Variants in THSD4 observed in about 807,000 individuals in gnomAD.
THSD4 encodes thrombospondin type 1 domain containing 4, also known as thrombospondin type-1 domain-containing protein 4.
A neutral mutation model predicts 119.0 loss-of-function variants in THSD4; 69 were observed. That is an observed-to-expected ratio of 0.58 (90% CI 0.48 to 0.71). The LOEUF (loss-of-function observed/expected upper bound fraction) is 0.71. THSD4 is among the 30% of genes least tolerant of loss of function. THSD4 has a pLI of 0.00. For synonymous variants in THSD4, 524 were observed against 540.4 expected (o/e 0.97, Z 0.42); for missense variants, 1,393 against 1,391.1 (o/e 1.00, Z -0.02).
intron 6 of THSD4, among the ~76,000 whole-genome samples, chr15:71,391,595 T>C (rs1250018386): frequency 6.6e-6 from 1 of 152,212 alleles, no homozygotes; most frequent in Non-Finnish European, 1.5e-5. Context: ...TGGCTATATT[T>C]ATGTTCCGTG....
intron 1 of THSD4, among the ~76,000 whole-genome samples, chr15:71,119,046 G>A (rs1251500253): frequency 6.6e-6 from 1 of 152,192 alleles, no homozygotes; most frequent in Admixed American, 6.5e-5. Flanking sequence ...AGTGAGCACT[G>A]GTGTGTGCAA....
chr15:71,215,457 T>A, intron 4 of THSD4, 58 bp downstream of exon 4: 1 of 1,432,542 alleles, frequency 7.0e-7, no homozygotes, highest in Non-Finnish European at 9.2e-7. Context: ...TCTGCCCCTG[T>A]CCCTGCCCCT....
chr15:71,422,265 C>T (rs2046818601), intron 7 of THSD4, among the ~76,000 whole-genome samples: 1 of 152,162 alleles, frequency 6.6e-6, no homozygotes, highest in Admixed American at 6.5e-5. Context: ...TTGTAGTCTT[C>T]ACAGTCTGGG....
chr15:71,480,927 T>A (rs1350278970), intron 7 of THSD4, among the ~76,000 whole-genome samples: 2 of 152,228 alleles, frequency 1.3e-5, no homozygotes, highest in Admixed American at 6.5e-5. Flanking sequence ...GCATGCAGTT[T>A]ACATACCTGA....
chr15:71,111,014 G>T, upstream of THSD4: 1 of 943,520 alleles, frequency 1.1e-6, no homozygotes, highest in Non-Finnish European at 1.6e-6. Context: ...CTGTCTGCAT[G>T]TCCTAAGGAG....
intron 7 of THSD4, among the ~76,000 whole-genome samples, chr15:71,442,628 ATG>A (rs1595772030): frequency 2.1e-4 from 11 of 53,400 alleles, no homozygotes; most frequent in African/African-American, 4.6e-4. Context: ...GTATATATAT[ATG>A]TATGTGTGTG....
chr15:71,411,685 A>G lies in THSD4; in HGVS notation c.1016-2A>G. ...TTATTTTATTTCATTTTACTTTGGT[A>G]GTAAAAGGCAATCGCAAATGTGAGT... On this transcript the variant is annotated splice_acceptor_variant, in intron 6 of 17. Coordinates refer to ENST00000261862, the MANE Select transcript of THSD4 (RefSeq NM_024817.3). LOFTEE classifies it high-confidence loss of function. 6.2e-7 allele frequency: 1 copy of G among 1,613,674 alleles called. No individual in the cohort carries two copies. The highest frequency in any genetic ancestry group is 8.5e-7 in the Non-Finnish European group (1 of 1,179,762).
intron 7 of THSD4, among the ~76,000 whole-genome samples, chr15:71,519,430 C>T (rs993405437): frequency 6.6e-6 from 1 of 151,674 alleles, no homozygotes. Context: ...GGTGTGATCT[C>T]GGCTCACTGC....
chr15:71,199,901 G>A (rs1200119312), intron 3 of THSD4, among the ~76,000 whole-genome samples: 13 of 119,744 alleles, frequency 1.1e-4, no homozygotes, highest in African/African-American at 3.2e-4. Context: ...GTATGTGTGT[G>A]TGGTGCATGT....
At chr15:71,457,169 C>T (rs2047351392) in intron 7 of THSD4, among the ~76,000 whole-genome samples, 2 of 152,022 alleles carry the variant, frequency 1.3e-5, no homozygotes, top group African/African-American at 4.8e-5. Flanking sequence ...TCGCTCTGAG[C>T]TCAGGAGTTC....
chr15:71,461,580 A>G (rs2047428644), intron 7 of THSD4, among the ~76,000 whole-genome samples: 1 of 152,214 alleles, frequency 6.6e-6, no homozygotes, highest in South Asian at 2.1e-4. Context: ...GTTGGGATTT[A>G]TAGGGTCCAT....
intron 7 of THSD4, among the ~76,000 whole-genome samples, chr15:71,639,050 A>G (rs563429488): frequency 6.6e-6 from 1 of 152,316 alleles, no homozygotes; most frequent in East Asian, 1.9e-4. Context: ...AAATGCTTCA[A>G]CATGAAAGTG....
At position 71,745,088 on chromosome 15, in the gene THSD4, A is replaced by G; in HGVS notation, c.1907-18A>G. The stretch of plus-strand genomic sequence containing the variant: ...CAGTGTGTGGGACTGTCCTTCAGAC[A>G]TTCTCCTGTTGTTGCAGGATCGCAG... On this transcript the variant is annotated intron_variant, in intron 11 of 17. Coordinates refer to ENST00000261862, the MANE Select transcript of THSD4 (RefSeq NM_024817.3). 10 of 1,607,416 alleles carry G rather than the reference A, an allele frequency of 6.2e-6. No homozygotes were observed. The highest frequency in any genetic ancestry group is 7.6e-6 in the Non-Finnish European group (9 of 1,176,546).
chr15:71,363,768 G>A (rs2045923328), intron 6 of THSD4, among the ~76,000 whole-genome samples: 1 of 152,102 alleles, frequency 6.6e-6, no homozygotes, highest in African/African-American at 2.4e-5. Context: ...ACCAGGCAAG[G>A]TTTCCATTTG....
intron 4 of THSD4, among the ~76,000 whole-genome samples, chr15:71,240,636 A>G (rs2044143821): frequency 6.6e-6 from 1 of 152,190 alleles, no homozygotes; most frequent in South Asian, 2.1e-4. Context: ...TCCATTCAGT[A>G]CTTACTTTGA....
intron 7 of THSD4, among the ~76,000 whole-genome samples, chr15:71,592,693 A>C (rs72739299): frequency 0.033 from 4,948 of 152,170 alleles, 125 homozygotes; most frequent in Non-Finnish European, 0.043. Flanking sequence ...AAACACGTTC[A>C]TAGTTCAGCT....
At chr15:71,422,296 G>A (rs950661638) in intron 7 of THSD4, among the ~76,000 whole-genome samples, 6 of 152,166 alleles carry the variant, frequency 3.9e-5, no homozygotes, top group African/African-American at 1.4e-4. Context: ...CACAGTCTGG[G>A]TTTGTTTGTA....
At chr15:71,759,122 A>G (rs1392067602) in intron 15 of THSD4, among the ~76,000 whole-genome samples, 2 of 152,246 alleles carry the variant, frequency 1.3e-5, no homozygotes. Flanking sequence ...CATGTGGTAT[A>G]ATGGCAAGTG....
chr15:71,677,722 C>G (rs1020022423), intron 8 of THSD4, among the ~76,000 whole-genome samples: 1 of 152,208 alleles, frequency 6.6e-6, no homozygotes, highest in African/African-American at 2.4e-5. Context: ...CCTAGCTACC[C>G]TGGAAATGTG....
Sources: allele counts gnomAD v4.1 joint callset (sites outside exome capture counted in the v4.1 genomes callset), GRCh38; gene constraint gnomAD v4.1.1; transcripts MANE v1.5; gene names NCBI Gene and HGNC (gene_info 2026-07-23, HGNC 2026-07-21).